Variants in REC114 observed in about 807,000 individuals in gnomAD.
REC114 encodes the protein meiotic recombination protein REC114.
Under a neutral mutation model 31.3 loss-of-function variants are expected in REC114, and 27 were observed. The observed-to-expected ratio is 0.86, with a 90% confidence interval of 0.64 to 1.19. The LOEUF (loss-of-function observed/expected upper bound fraction) is 1.19. Among genes scored for constraint, REC114 ranks in the 50% most tolerant of loss-of-function variants. REC114 has a pLI of 0.00. For missense variants in REC114, 344 were observed against 326.9 expected (o/e 1.05, Z -0.40); for synonymous variants, 134 against 127.7 (o/e 1.05, Z -0.33).
intron 2 of REC114, among the ~76,000 whole-genome samples, chr15:73,486,337 C>A (rs919495466): frequency 1.3e-5 from 2 of 152,172 alleles, no homozygotes; most frequent in Non-Finnish European, 2.9e-5. Flanking sequence ...ACCGCGTGAT[C>A]TGCCCGTCTT....
chr15:73,494,438 G>T (rs1289148313), intron 2 of REC114, among the ~76,000 whole-genome samples: 3 of 149,106 alleles, frequency 2.0e-5, no homozygotes, highest in Admixed American at 1.3e-4. Flanking sequence ...GTTGCAGTGA[G>T]CCTAGATCAT....
intron 1 of REC114, among the ~76,000 whole-genome samples, chr15:73,450,493 T>C (rs1243279965): frequency 6.6e-6 from 1 of 152,188 alleles, no homozygotes; most frequent in African/African-American, 2.4e-5. Flanking sequence ...AGCAAGTTCT[T>C]AGCGACCTAC....
chr15:73,544,361 T>G (rs1416438161), intron 3 of REC114, among the ~76,000 whole-genome samples: 2 of 152,228 alleles, frequency 1.3e-5, no homozygotes, highest in African/African-American at 2.4e-5. Context: ...TTTTCAAGTA[T>G]TATGCCAAAA....
intron 1 of REC114, among the ~76,000 whole-genome samples, chr15:73,470,734 G>A (rs963761471): frequency 2.6e-5 from 4 of 152,204 alleles, no homozygotes; most frequent in Non-Finnish European, 5.9e-5. Flanking sequence ...GGGAATAGGA[G>A]TAGTGTGGTT....
At chr15:73,534,159 C>G (rs1022852721) in intron 2 of REC114, among the ~76,000 whole-genome samples, 82 of 150,596 alleles carry the variant, frequency 5.4e-4, no homozygotes, top group Non-Finnish European at 1.8e-4. Context: ...CATTCAAAAG[C>G]TAGCAGAAGG....
At chr15:73,449,287 T>G (rs1186062165) in intron 1 of REC114, among the ~76,000 whole-genome samples, 9 of 152,088 alleles carry the variant, frequency 5.9e-5, no homozygotes, top group Admixed American at 5.9e-4. Context: ...AATAACCTGT[T>G]TAGAAAAGAA....
At chr15:73,518,094 G>A (rs925467977) in intron 2 of REC114, among the ~76,000 whole-genome samples, 3 of 152,228 alleles carry the variant, frequency 2.0e-5, no homozygotes, top group African/African-American at 7.2e-5. Flanking sequence ...GAGATGTGGA[G>A]TTTTTAAAAT....
Position 73,443,282 on chromosome 15 carries a change from A to T in REC114, c.97A>T (p.Asn33Tyr), listed in dbSNP as rs774401829. The T allele has an allele frequency of 6.3e-7, 1 of 1,581,870 alleles. No individual in the cohort carries two copies. Among genetic ancestry groups the T allele is most frequent in the Non-Finnish European group, 8.6e-7 (1 of 1,165,102 alleles). The part of the protein sequence containing the change: ...LQRYARCIPS[N>Y]TRDPPGPCLE... The stretch of plus-strand genomic sequence containing the variant: ...GCGGTACGCCCGCTGCATACCCTCA[A>T]ACACCAGAGACCCACCTGGGCCATG... The change falls in exon 1 of 6, where the codon AAC (asparagine) becomes TAC (tyrosine). Residue 33 changes from asparagine to tyrosine, a missense_variant. Transcript: ENST00000331090.
intron 2 of REC114, among the ~76,000 whole-genome samples, chr15:73,519,598 A>G (rs1224850982): frequency 6.6e-6 from 1 of 152,214 alleles, no homozygotes; most frequent in Admixed American, 6.5e-5. Context: ...AAATAGAACT[A>G]CTATCTGATT....
rs144351416 is a variant in REC114 at position 73,472,192 on chromosome 15, G to A, written c.160-1640G>A. 6.9e-3 allele frequency among the ~76,000 whole-genome samples: 1,056 copies of A among 152,318 alleles called. 9 individuals carry two copies. The highest frequency in any genetic ancestry group is 0.011 in the Non-Finnish European group (759 of 68,014). ...ATAATTCATTGACCAGACTGTAGTTGTGAAAGCTGTACTTGACTCCTAGCT... is the reference window on the plus strand; with the variant it reads ...ATAATTCATTGACCAGACTGTAGTTATGAAAGCTGTACTTGACTCCTAGCT... On this transcript the variant is annotated intron_variant, in intron 1 of 5. Transcript: ENST00000331090.
chr15:73,486,329 C>T (rs918358741), intron 2 of REC114, among the ~76,000 whole-genome samples: 2 of 152,034 alleles, frequency 1.3e-5, no homozygotes, highest in African/African-American at 2.4e-5. Context: ...AGCTCCTGAC[C>T]GCGTGATCTG....
chr15:73,516,866 A>T (rs1361444564), intron 2 of REC114, among the ~76,000 whole-genome samples: 3 of 152,188 alleles, frequency 2.0e-5, no homozygotes, highest in African/African-American at 7.2e-5. Flanking sequence ...ATCGGAGGTG[A>T]TCTGCTGGCC....
At chr15:73,554,362 G>A (rs1394079473) in intron 4 of REC114, among the ~76,000 whole-genome samples, 1 of 152,152 alleles carries the variant, frequency 6.6e-6, no homozygotes, top group African/African-American at 2.4e-5. Context: ...CCATGGCCAA[G>A]GTTCTGGTCA....
At chr15:73,504,087 A>G (rs1893640763) in intron 2 of REC114, among the ~76,000 whole-genome samples, 1 of 139,726 alleles carries the variant, frequency 7.2e-6, no homozygotes, top group Non-Finnish European at 1.5e-5. Context: ...GCTCACTGCA[A>G]CCTCTGCCTC....
intron 2 of REC114, among the ~76,000 whole-genome samples, chr15:73,511,401 G>T (rs1893766093): frequency 6.6e-6 from 1 of 151,874 alleles, no homozygotes; most frequent in African/African-American, 2.4e-5. Context: ...CCAGCTCCTG[G>T]ATTCATTGAT....
intron 2 of REC114, among the ~76,000 whole-genome samples, chr15:73,501,454 T>G (rs1343209636): frequency 6.6e-6 from 1 of 152,248 alleles, no homozygotes; most frequent in Non-Finnish European, 1.5e-5. Context: ...AGCAGCAGCA[T>G]TATTATTTTA....
At chr15:73,467,572 TCTC>T (rs1388042434) in intron 1 of REC114, among the ~76,000 whole-genome samples, 6 of 152,212 alleles carry the variant, frequency 3.9e-5, no homozygotes, top group Admixed American at 2.0e-4. Flanking sequence ...TCTTTTTTCT[TCTC>T]CATATTATAA....
intron 2 of REC114, among the ~76,000 whole-genome samples, chr15:73,524,195 A>C (rs1305106752): frequency 6.6e-6 from 1 of 152,228 alleles, no homozygotes; most frequent in Non-Finnish European, 1.5e-5. Flanking sequence ...ATTTTGCTAA[A>C]ATTGAAGAAA....
intron 2 of REC114, among the ~76,000 whole-genome samples, chr15:73,485,126 CT>C (rs1186677715): frequency 6.6e-6 from 1 of 152,224 alleles, no homozygotes; most frequent in Admixed American, 6.5e-5. Flanking sequence ...GAGTCTCACT[CT>C]GTCTCCACTG....
Sources: allele counts gnomAD v4.1 joint callset (sites outside exome capture counted in the v4.1 genomes callset), GRCh38; gene constraint gnomAD v4.1.1; transcripts MANE v1.5; gene names NCBI Gene and HGNC (gene_info 2026-07-23, HGNC 2026-07-21).